DHX38: variants seen among roughly 807,000 people sequenced by gnomAD.
The protein encoded by DHX38 is DEAH-box helicase 38.
DHX38 carries 100 observed loss-of-function variants against 153.1 expected under a neutral mutation model. The observed-to-expected ratio is 0.65, with a 90% CI of 0.56 to 0.77. The LOEUF (loss-of-function observed/expected upper bound fraction) is 0.77, where lower values mean the gene tolerates loss of function less well. DHX38 is among the 30% of genes least tolerant of loss of function. The pLI is 0.00. For synonymous variants in DHX38, 650 were observed against 631.7 expected (o/e 1.03, Z -0.43); for missense variants, 1,440 against 1,654.0 (o/e 0.87, Z 2.24).
At chr16:72,108,723 G>C (rs1229300824) in intron 23 of DHX38, 77 bp from the exon 24 acceptor site, 7 of 1,592,566 alleles carry the variant, frequency 4.4e-6, no homozygotes, top group Middle Eastern at 1.8e-4. Flanking sequence ...GCTGTGTCAA[G>C]AGTGTTAAGG....
rs558796304 is a variant in DHX38, at chr16:72,104,090, C to T, written c.1969C>T (p.Arg657Cys). 5.0e-6 allele frequency: 8 copies of T among 1,614,142 alleles called. No individual in the cohort carries two copies. Among genetic ancestry groups the T allele is most frequent in the East Asian group, 2.2e-5 (1 of 44,872 alleles). Residue 657 changes from arginine (R) to cysteine (C), a missense_variant, in exon 14 of 27, where the codon CGC (arginine) becomes TGC (cysteine). Physicochemically the swap from Arg to Cys is radical, Grantham distance 180. Coordinates refer to ENST00000268482, the MANE Select transcript of DHX38 (RefSeq NM_014003.4). This position sits in a 1 kb window ranked among gnomAD's most constrained non-coding sequence, Gnocchi z 4.5. Reference protein sequence around the residue: ...SAIIMDEAHERSLNTDVLFGL... With the variant: ...SAIIMDEAHECSLNTDVLFGL... The stretch of plus-strand genomic sequence containing the variant: ...CATCATCATGGACGAGGCCCACGAG[C>T]GCTCCCTCAACACTGACGTGCTCTT...
At chr16:72,108,187 C>A (rs529381354) in intron 21 of DHX38, 40 bp from the exon 22 acceptor site, 4 of 1,607,176 alleles carry the variant, frequency 2.5e-6, no homozygotes, top group African/African-American at 1.3e-5. Context: ...GGGCCTGGAC[C>A]CCCCTGTACT....
intron 8 of DHX38, 109 bp downstream of exon 8, chr16:72,099,996 C>T (rs755246599): frequency 4.3e-5 from 61 of 1,418,868 alleles, no homozygotes; most frequent in Middle Eastern, 1.9e-4. Flanking sequence ...CCCTGATTGC[C>T]GAGAAGCCCA....
chr16:72,109,727 T>C, intron 25 of DHX38: 1 of 416,958 alleles, frequency 2.4e-6, no homozygotes, highest in Non-Finnish European at 4.2e-6. Context: ...AACTCATTAT[T>C]GAAAAGTCCA....
intron 7 of DHX38, 53 bp downstream of exon 7, chr16:72,099,333 T>G (rs954904901): frequency 8.1e-6 from 12 of 1,475,086 alleles, no homozygotes; most frequent in Non-Finnish European, 1.1e-5. Flanking sequence ...CGTCTGTAGA[T>G]GGGTGACCCT....
intron 11 of DHX38, among the ~76,000 whole-genome samples, chr16:72,102,409 G>T (rs995166427): frequency 1.3e-5 from 2 of 152,160 alleles, no homozygotes; most frequent in Non-Finnish European, 2.9e-5. Flanking sequence ...GAGGGGGTTG[G>T]GGAGGGGTGT....
rs776660600 is a variant in DHX38, at chr16:72,093,867, C to G, written c.-204C>G. The G allele has an allele frequency of 4.6e-5, 7 of 152,442 alleles. No individual in the cohort carries two copies. Among genetic ancestry groups the G allele is most frequent in the Non-Finnish European group, 7.3e-5 (5 of 68,144 alleles). The allele number at this position is 152,442 out of a possible 1,614,324, so 9.4% of individuals were successfully genotyped here. On this transcript the variant is annotated 5_prime_UTR_variant, in exon 1 of 27. Coordinates refer to ENST00000268482, the MANE Select transcript of DHX38 (RefSeq NM_014003.4). The stretch of plus-strand genomic sequence containing the variant: ...TCCACACTTGGATCCAGGAATCGGG[C>G]GTGTTCCAGGCTGCTCTCTATGGTA...
At chr16:72,106,821 A>G (rs1257381209) in intron 19 of DHX38, among the ~76,000 whole-genome samples, 1 of 152,214 alleles carries the variant, frequency 6.6e-6, no homozygotes, top group African/African-American at 2.4e-5. Flanking sequence ...ATATAGAAAA[A>G]TATCAAGAAA....
chr16:72,104,379 A>T lies in DHX38; in HGVS notation c.2011-107A>T. The T allele has an allele frequency of 6.8e-7, 1 of 1,474,988 alleles. No homozygotes were observed. The highest frequency in any genetic ancestry group is 9.1e-7 in the Non-Finnish European group (1 of 1,097,170). The allele number at this position is 1,474,988 out of a possible 1,614,324, so 91.4% of individuals were successfully genotyped here. On this transcript the variant is annotated intron_variant, in intron 14 of 26. Coordinates refer to ENST00000268482, the MANE Select transcript of DHX38 (RefSeq NM_014003.4). This position sits in a 1 kb window ranked among gnomAD's most constrained non-coding sequence, Gnocchi z 4.5. Reference sequence around the variant, plus strand: ...TGATTGGTAAGAATTGAATAGGCCCATTTGTCAGCTTTGGCTTGTGTTTCC... The same window carrying T: ...TGATTGGTAAGAATTGAATAGGCCCTTTTGTCAGCTTTGGCTTGTGTTTCC...
chr16:72,112,239 C>T, intron 26 of DHX38, 174 bp from the exon 27 acceptor site: 1 of 623,890 alleles, frequency 1.6e-6, no homozygotes, highest in Non-Finnish European at 2.8e-6. Flanking sequence ...GATTACATCG[C>T]CAGTCGAACA....
At position 72,097,713 on chromosome 16, in the gene DHX38, A is replaced by G; in HGVS notation, c.548A>G (p.Glu183Gly). 1 of 1,614,154 alleles carries G rather than the reference A, an allele frequency of 6.2e-7. No homozygotes were observed. The highest frequency in any genetic ancestry group is 8.5e-7 in the Non-Finnish European group (1 of 1,179,980). The change falls in exon 4 of 27, where the codon GAG becomes GGG. Residue 183 changes from glutamate (E) to glycine (G), a missense_variant. Coordinates refer to ENST00000268482, the MANE Select transcript of DHX38 (RefSeq NM_014003.4). Reference sequence around the variant, plus strand: ...AGAAGTAGGCACAGCAGCAGATCAGAGCGAGATGGAGGGTCAGAGCGTAGC... The same window carrying G: ...AGAAGTAGGCACAGCAGCAGATCAGGGCGAGATGGAGGGTCAGAGCGTAGC... ...RDRSRHSSRS[E>G]RDGGSERSSR...
Position 72,099,272 on chromosome 16 carries a change from G to A in DHX38, c.952G>A (p.Asp318Asn). 1 of 1,611,176 alleles carries A rather than the reference G, an allele frequency of 6.2e-7. No homozygotes were observed. Among genetic ancestry groups the A allele is most frequent in the Non-Finnish European group, 8.5e-7 (1 of 1,178,916 alleles). Reference sequence around the variant, plus strand: ...GGAGGAGCGGCAGCAGTGGGAAGATGACCAGAGGGTAAAGTTTTATACCTC... The same window carrying A: ...GGAGGAGCGGCAGCAGTGGGAAGATAACCAGAGGGTAAAGTTTTATACCTC... ...TEEERQQWED[D>N]QRQADRDWYM... The change falls in exon 7 of 27, where the codon GAC becomes AAC. Residue 318 changes from aspartate (D) to asparagine (N), a missense_variant. Physicochemically the swap from Asp to Asn is conservative, Grantham distance 23. Transcript: ENST00000268482.
chr16:72,111,888 C>T (rs1348903889), intron 26 of DHX38, among the ~76,000 whole-genome samples: 2 of 152,230 alleles, frequency 1.3e-5, no homozygotes, highest in Non-Finnish European at 2.9e-5. Flanking sequence ...AGGCTGATAG[C>T]ACGTGGCTCA....
chr16:72,104,225 C>T lies in DHX38; in HGVS notation c.2010+94C>T. On this transcript the variant is annotated intron_variant, in intron 14 of 26. Coordinates refer to ENST00000268482, the MANE Select transcript of DHX38 (RefSeq NM_014003.4). The surrounding 1 kb of genome is among the most constrained non-coding windows in gnomAD (Gnocchi z 4.5). The stretch of plus-strand genomic sequence containing the variant: ...GTTGCTCCAGGTGGGCTGAGGGGGT[C>T]TCTGGTAGGCCAGAGGTTCCTGAGG... 6.8e-7 allele frequency: 1 copy of T among 1,471,152 alleles called. No homozygotes were observed. 91.1% of individuals were successfully genotyped at this position (1,471,152 alleles called of 1,614,324 possible).
chr16:72,109,072 A>G, intron 24 of DHX38, 147 bp downstream of exon 24: 2 of 1,277,112 alleles, frequency 1.6e-6, no homozygotes, highest in East Asian at 2.6e-5. Flanking sequence ...GTTGGTTTTC[A>G]TTTGGGGACT....
At chr16:72,101,297 T>C (rs2042097165) in intron 10 of DHX38, 104 bp downstream of exon 10, 2 of 1,331,890 alleles carry the variant, frequency 1.5e-6, no homozygotes, top group Admixed American at 2.1e-5. Flanking sequence ...AGGAGTCCCC[T>C]CTATCAAGTC....
rs2042155585 is a variant in DHX38, at chr16:72,105,095, T to C, written c.2220T>C (p.Pro740=). Reference sequence around the variant, plus strand: ...TGCAGGTGCACCTGTCGGGGGCCCCTGGAGACATCCTTATCTTCATGCCTG... The same window carrying C: ...TGCAGGTGCACCTGTCGGGGGCCCCCGGAGACATCCTTATCTTCATGCCTG... ...QSLQVHLSGA[P]GDILIFMPGQ... is the part of the protein sequence containing the mutation. The change falls in exon 16 of 27, where the codon CCT becomes CCC. Residue 740 remains proline, a synonymous_variant. Transcript: ENST00000268482. 2 of 1,614,200 alleles carry C rather than the reference T, an allele frequency of 1.2e-6. No individual in the cohort carries two copies. The highest frequency in any genetic ancestry group is 1.7e-5 in the Admixed American group (1 of 60,028).
Position 72,103,579 on chromosome 16 carries a change from C to T in DHX38, c.1638-23C>T, listed in dbSNP as rs1597444130. On this transcript the variant is annotated intron_variant, in intron 12 of 26. Transcript: ENST00000268482. ...TGGCCTTCCACTTCGGCTGATAAGC[C>T]CTTTGCCTGCTTGTCCTTGTAGAGA... is the stretch of plus-strand genomic sequence containing the variant. The T allele has an allele frequency of 3.8e-6, 6 of 1,593,708 alleles. No homozygotes were observed. In the East Asian group the frequency reaches 1.4e-4, roughly 36 times the overall value.
intron 12 of DHX38, 32 bp downstream of exon 12, chr16:72,103,243 T>G: frequency 6.2e-7 from 1 of 1,607,776 alleles, no homozygotes; most frequent in Non-Finnish European, 8.5e-7. Context: ...GAATCTAGTG[T>G]CAAGTCAGGG....
Sources: gnomAD v4.1 joint callset for allele counts (sites outside exome capture counted in the v4.1 genomes callset) on GRCh38, gnomAD v4.1.1 for gene constraint, Gnocchi (gnomAD v3.1) non-coding constraint, MANE v1.5 for transcripts, NCBI Gene and HGNC (gene_info 2026-07-23, HGNC 2026-07-21) for gene names.